CADPS2: variants seen among roughly 807,000 people sequenced by gnomAD.
CADPS2 encodes the protein calcium-dependent secretion activator 2.
Under a neutral mutation model 172.5 loss-of-function variants are expected in CADPS2, and 93 were observed. That is an observed-to-expected ratio of 0.54 (90% CI 0.46 to 0.64). The LOEUF (loss-of-function observed/expected upper bound fraction) is 0.64. Among genes scored for constraint, CADPS2 ranks in the 30% least tolerant of loss-of-function variants. The pLI, the probability that CADPS2 is intolerant of heterozygous loss-of-function variation, is 0.00. For missense variants in CADPS2, 1,420 were observed against 1,565.9 expected, an observed-to-expected ratio of 0.91 and a Z score of 1.57; for synonymous variants, 546 against 555.2, an observed-to-expected ratio of 0.98 and a Z score of 0.23.
chr7:122,872,028 C>T (rs1053995159), intron 1 of CADPS2, among the ~76,000 whole-genome samples: 2 of 152,188 alleles, frequency 1.3e-5, no homozygotes, highest in South Asian at 2.1e-4. Context: ...GCCCAAATCT[C>T]TCCCCTGAGC....
At chr7:122,789,595 C>T (rs967488993) in intron 1 of CADPS2, among the ~76,000 whole-genome samples, 8 of 152,102 alleles carry the variant, frequency 5.3e-5, no homozygotes, top group Non-Finnish European at 1.2e-4. Flanking sequence ...CACACACTAA[C>T]AAAATAACCA....
intron 12 of CADPS2, chr7:122,480,272 G>T: frequency 7.7e-6 from 2 of 258,226 alleles, no homozygotes; most frequent in Non-Finnish European, 1.7e-5. Context: ...AGATAAGGTT[G>T]TCTTCCAGTA....
chr7:122,780,226 T>C (rs1792326551), intron 1 of CADPS2, among the ~76,000 whole-genome samples: 1 of 152,078 alleles, frequency 6.6e-6, no homozygotes, highest in Non-Finnish European at 1.5e-5. Flanking sequence ...TGTTTTCTTT[T>C]CTGCTTGATT....
chr7:122,387,254 C>T lies in CADPS2; in HGVS notation c.3165-81G>A, dbSNP rs545271770. On this transcript the variant is annotated intron_variant, in intron 23 of 29. Coordinates refer to ENST00000449022, the MANE Select transcript of CADPS2 (RefSeq NM_017954.11). ...TTTGTAAAAAGTGAAATCAACACTACAAGATGCTAATTTAAAACATGCAAA... is the reference window on the plus strand; with the variant it reads ...TTTGTAAAAAGTGAAATCAACACTATAAGATGCTAATTTAAAACATGCAAA... 6 of 1,361,576 alleles carry T rather than the reference C, an allele frequency of 4.4e-6. No homozygotes were observed. The East Asian group carries it at 1.3e-4, about 28-fold the overall frequency. 84.3% of individuals were successfully genotyped at this position (1,361,576 alleles called of 1,614,324 possible).
At position 122,360,985 on chromosome 7, in the gene CADPS2, G is replaced by A; in HGVS notation, c.3416C>T (p.Ser1139Phe). Residue 1139 changes from serine (S) to phenylalanine (F), a missense_variant, in exon 26 of 30, where the codon TCT becomes TTT. Ser to Phe is a radical substitution (Grantham distance 155). Coordinates refer to ENST00000449022, the MANE Select transcript of CADPS2 (RefSeq NM_017954.11). ...KFVSVLEGVL[S>F]KLSRYDEGTF... is the part of the protein sequence containing the mutation. ...GCCTTCATCATACCTTGACAGCTTA[G>A]ACAACACGCCTTCCAACACTGAAAC... The A allele has an allele frequency of 6.2e-7, 1 of 1,613,698 alleles. No homozygotes were observed. The highest frequency in any genetic ancestry group is 8.5e-7 in the Non-Finnish European group (1 of 1,179,780).
At chr7:122,358,204 C>T (rs2151105392) in intron 27 of CADPS2, among the ~76,000 whole-genome samples, 1 of 152,196 alleles carries the variant, frequency 6.6e-6, no homozygotes, top group East Asian at 1.9e-4. Context: ...TTTTAATTTG[C>T]ATTTTCCTAA....
At chr7:122,629,133 A>G (rs145623486) in intron 4 of CADPS2, 115 bp downstream of exon 4, 744 of 699,560 alleles carry the variant, frequency 1.1e-3, no homozygotes, top group Non-Finnish European at 1.6e-3. Flanking sequence ...AGAGGAGAAA[A>G]TGTTAAAATT....
chr7:122,770,473 T>A (rs1214770243), intron 1 of CADPS2, among the ~76,000 whole-genome samples: 1 of 152,082 alleles, frequency 6.6e-6, no homozygotes, highest in Admixed American at 6.6e-5. Context: ...AGAGGGAAAT[T>A]TACACGTAAC....
chr7:122,821,281 T>C (rs1463202966), intron 1 of CADPS2, among the ~76,000 whole-genome samples: 2 of 152,104 alleles, frequency 1.3e-5, no homozygotes, highest in African/African-American at 2.4e-5. Context: ...CAAAGGCAGG[T>C]TATGCTATAT....
chr7:122,321,225 G>A (rs948819255), intron 29 of CADPS2, among the ~76,000 whole-genome samples: 8 of 152,244 alleles, frequency 5.3e-5, no homozygotes, highest in African/African-American at 1.9e-4. Context: ...GGAGTACAGC[G>A]GTGTGATCAT....
chr7:122,342,855 T>G (rs886497), intron 28 of CADPS2, among the ~76,000 whole-genome samples: 28,122 of 152,140 alleles, frequency 0.18, 2,891 homozygotes, highest in African/African-American at 0.28. Context: ...GAATGAAATT[T>G]TTCTCTTCAA....
intron 22 of CADPS2, among the ~76,000 whole-genome samples, chr7:122,389,679 T>C (rs10267820): frequency 0.026 from 3,967 of 152,042 alleles, 182 homozygotes; most frequent in African/African-American, 0.091. Flanking sequence ...AATTTAACCA[T>C]AAAAAGCATA....
At chr7:122,762,558 C>A (rs886477183) in intron 1 of CADPS2, among the ~76,000 whole-genome samples, 2 of 152,104 alleles carry the variant, frequency 1.3e-5, no homozygotes, top group Admixed American at 1.3e-4. Flanking sequence ...AAATTCGTTA[C>A]CCAGTTAAAC....
At chr7:122,486,547 A>G (rs1449042539) in intron 11 of CADPS2, among the ~76,000 whole-genome samples, 4 of 152,208 alleles carry the variant, frequency 2.6e-5, no homozygotes, top group Non-Finnish European at 1.5e-5. Flanking sequence ...CTTTGGGTGA[A>G]GCAAAGAAAG....
chr7:122,827,649 TGAAAA>T (rs1365885287), intron 1 of CADPS2, among the ~76,000 whole-genome samples: 1 of 145,662 alleles, frequency 6.9e-6, no homozygotes, highest in African/African-American at 2.6e-5. Flanking sequence ...AAAAAAGAAA[TGAAAA>T]GAAAAAAGAA....
rs374277912 is a variant in CADPS2 at position 122,727,439 on chromosome 7, A to G, written c.453+9516T>C. ...ATTTACACCAGATTTACTTACCCAC[A>G]GCCCACCTATATAGATGTACTATCC... On this transcript the variant is annotated intron_variant, in intron 2 of 29. Coordinates refer to ENST00000449022, the MANE Select transcript of CADPS2 (RefSeq NM_017954.11). 1.1e-3 allele frequency among the ~76,000 whole-genome samples: 167 copies of G among 151,814 alleles called. 4 individuals carry two copies. Among genetic ancestry groups the G allele is most frequent in the African/African-American group, 4.0e-3 (166 of 41,444 alleles).
chr7:122,459,522 A>AATAAAG (rs1226652858), intron 14 of CADPS2, among the ~76,000 whole-genome samples: 33 of 152,282 alleles, frequency 2.2e-4, no homozygotes, highest in African/African-American at 7.7e-4. Flanking sequence ...CAACCTCACC[A>AATAAAG]ACTGTAGTCT....
intron 6 of CADPS2, among the ~76,000 whole-genome samples, chr7:122,583,468 T>C (rs1273658175): frequency 6.6e-6 from 1 of 151,874 alleles, no homozygotes; most frequent in Non-Finnish European, 1.5e-5. Flanking sequence ...AAAAGGAATA[T>C]TTTCAGCATT....
At chr7:122,641,221 G>A (rs755289085) in intron 3 of CADPS2, among the ~76,000 whole-genome samples, 2 of 152,080 alleles carry the variant, frequency 1.3e-5, no homozygotes, top group Non-Finnish European at 2.9e-5. Flanking sequence ...GATCATAACA[G>A]ATACCTAATG....
Sources: gnomAD v4.1 joint callset for allele counts (sites outside exome capture counted in the v4.1 genomes callset) on GRCh38, gnomAD v4.1.1 for gene constraint, MANE v1.5 for transcripts, NCBI Gene and HGNC (gene_info 2026-07-23, HGNC 2026-07-21) for gene names.